IGSF3: variants seen among roughly 807,000 people sequenced by gnomAD.
IGSF3 encodes the protein glu-Trp-Ile EWI motif-containing protein 3.
IGSF3 carries 23 observed loss-of-function variants against 114.4 expected under a neutral mutation model. The ratio of observed to expected loss-of-function variants is 0.20; its 90% CI spans 0.14 to 0.28. The LOEUF is 0.28. IGSF3 is among the 10% of genes least tolerant of loss of function. The pLI is 1.00. For synonymous variants in IGSF3, 571 were observed against 645.2 expected (o/e 0.88, Z 1.74); for missense variants, 1,172 against 1,591.5 (o/e 0.74, Z 4.48).
chr1:116,619,763 CA>C (rs1182260992), intron 2 of IGSF3, among the ~76,000 whole-genome samples: 1 of 151,550 alleles, frequency 6.6e-6, no homozygotes, highest in Non-Finnish European at 1.5e-5. Context: ...TCCTCCCAGG[CA>C]AGGATCTTTT....
intron 2 of IGSF3, among the ~76,000 whole-genome samples, chr1:116,643,429 T>A (rs1309901066): frequency 6.6e-6 from 1 of 152,260 alleles, no homozygotes; most frequent in Admixed American, 6.5e-5. Context: ...GACTCACTCC[T>A]CCGACAGTCG....
chr1:116,588,461 C>T lies in IGSF3; in HGVS notation c.2440+233G>A, dbSNP rs1659945496. On this transcript the variant is annotated intron_variant, in intron 8 of 10. Coordinates refer to ENST00000369486, the MANE Select transcript of IGSF3 (RefSeq NM_001007237.3). This position sits in a 1 kb window ranked among gnomAD's most constrained non-coding sequence, Gnocchi z 4.9. ...TGCTCCTTGGTGAAGATGGTATCCA[C>T]AGAAGCAGAGTCAAGGATGCTTCCA... Among the ~76,000 whole-genome samples the T allele has an allele frequency of 6.6e-6, 1 of 152,170 alleles. No individual in the cohort carries two copies. Among genetic ancestry groups the T allele is most frequent in the Non-Finnish European group, 1.5e-5 (1 of 68,036 alleles).
At position 116,608,032 on chromosome 1, in the gene IGSF3, C is replaced by G; in HGVS notation, c.1132G>C (p.Val378Leu). The G allele has an allele frequency of 1.2e-6, 2 of 1,613,870 alleles. No homozygotes were observed. The highest frequency in any genetic ancestry group is 1.7e-6 in the Non-Finnish European group (2 of 1,179,774). ...QEDSGKYNCR[V>L]TEREKTVTGE... ...GTCACGGTTTTCTCTCGCTCAGTCA[C>G]CCGGCAGTTGTATTTCCCGCTATCT... is the stretch of plus-strand genomic sequence containing the variant. Residue 378 changes from valine (V) to leucine (L), a missense_variant, in exon 5 of 11, where the codon GTG (valine) becomes CTG (leucine). By Grantham distance (32) the Val-to-Leu change is conservative (BLOSUM62 1). Transcript: ENST00000369486.
chr1:116,590,232 G>A (rs1462185783), intron 7 of IGSF3, among the ~76,000 whole-genome samples: 22 of 152,048 alleles, frequency 1.4e-4, no homozygotes, highest in East Asian at 1.4e-3. Context: ...AATTAATGAC[G>A]ATGTTCACCT....
rs1412548700 is a variant in IGSF3, at chr1:116,594,496, A to T, written c.2030-5392T>A. On this transcript the variant is annotated intron_variant, in intron 7 of 10. Transcript: ENST00000369486. This position sits in a 1 kb window ranked among gnomAD's most constrained non-coding sequence, Gnocchi z 5.2. ...ATTTAGCAAACTTTCATCTGGTCCT[A>T]TGTGCTCAGCACTATTCTAAGCACT... Among the ~76,000 whole-genome samples the T allele has an allele frequency of 1.3e-5, 2 of 152,226 alleles. No individual in the cohort carries two copies. Among genetic ancestry groups the T allele is most frequent in the African/African-American group, 4.8e-5 (2 of 41,456 alleles).
At position 116,608,240 on chromosome 1, in the gene IGSF3, A is replaced by G. The variant is rs1660872811; in HGVS notation, c.924T>C (p.Asn308=). ...VEFRCILEAQ[N]VPDRYFAVSW... ...AGACAGCAAAGTAACGGTCGGGAAC[A>G]TTCTGAGCCTCCAGGATGCATCTGA... Residue 308 remains asparagine, a synonymous_variant, in exon 5 of 11, where the codon AAT becomes AAC. Coordinates refer to ENST00000369486, the MANE Select transcript of IGSF3 (RefSeq NM_001007237.3). The G allele has an allele frequency of 6.2e-7, 1 of 1,610,980 alleles. No homozygotes were observed. Among genetic ancestry groups the G allele is most frequent in the African/African-American group, 1.3e-5 (1 of 74,836 alleles).
chr1:116,630,547 A>G (rs937514634), intron 2 of IGSF3, among the ~76,000 whole-genome samples: 1 of 152,204 alleles, frequency 6.6e-6, no homozygotes, highest in Non-Finnish European at 1.5e-5. Context: ...GTTGGCATCC[A>G]AACCCACAAT....
intron 4 of IGSF3, among the ~76,000 whole-genome samples, chr1:116,609,944 T>C (rs1266430862): frequency 2.0e-5 from 3 of 152,102 alleles, no homozygotes; most frequent in Admixed American, 2.0e-4. Context: ...CAAATACCCC[T>C]TCTTTCCAGT....
Position 116,600,117 on chromosome 1 carries a change from G to A in IGSF3, c.1853C>T (p.Ala618Val). The A allele has an allele frequency of 6.2e-7, 1 of 1,614,166 alleles. No homozygotes were observed. The highest frequency in any genetic ancestry group is 8.5e-7 in the Non-Finnish European group (1 of 1,180,026). The change falls in exon 7 of 11, where the codon GCC becomes GTC. Residue 618 changes from alanine to valine, a missense_variant. Coordinates refer to ENST00000369486, the MANE Select transcript of IGSF3 (RefSeq NM_001007237.3). This position sits in a 1 kb window ranked among gnomAD's most constrained non-coding sequence, Gnocchi z 5.5. ...GTTGCTGGACTCAGCCTTCTCGATGGCAGTTCGGGTTCGGAAGCTGGAGGA... is the reference window on the plus strand; with the variant it reads ...GTTGCTGGACTCAGCCTTCTCGATGACAGTTCGGGTTCGGAAGCTGGAGGA... ...DRSSSFRTRT[A>V]IEKAESSNNV... is the part of the protein sequence containing the mutation.
At chr1:116,645,383 A>G (rs1327135903) in intron 2 of IGSF3, among the ~76,000 whole-genome samples, 1 of 152,242 alleles carries the variant, frequency 6.6e-6, no homozygotes, top group East Asian at 1.9e-4. Context: ...AGAAGGCACA[A>G]GGGAACTTTT....
intron 2 of IGSF3, among the ~76,000 whole-genome samples, chr1:116,637,176 C>CT (rs1647865867): frequency 6.6e-6 from 1 of 152,202 alleles, no homozygotes; most frequent in Non-Finnish European, 1.5e-5. Flanking sequence ...CTTGACTCCC[C>CT]TGTGCCTGTG....
rs201868566 is a variant in IGSF3, at chr1:116,611,773, G to A, written c.832+1992C>T. ...GGTTGCAAGAACACTTCCTATTTCC[G>A]GTATTCCCAGAGCACTCTATACAAA... On this transcript the variant is annotated intron_variant, in intron 4 of 10. Coordinates refer to ENST00000369486, the MANE Select transcript of IGSF3 (RefSeq NM_001007237.3). 1.8e-4 allele frequency among the ~76,000 whole-genome samples: 27 copies of A among 151,996 alleles called. No homozygotes were observed. In the East Asian group the frequency reaches 1.9e-3, roughly 11 times the overall value.
chr1:116,601,206 A>G (rs1660570057), intron 6 of IGSF3, among the ~76,000 whole-genome samples: 1 of 152,202 alleles, frequency 6.6e-6, no homozygotes, highest in South Asian at 2.1e-4. Context: ...CTCTTCCTGC[A>G]GATGTAGAAA....
Position 116,614,274 on chromosome 1 carries a change from G to T in IGSF3, c.422-99C>A. On this transcript the variant is annotated intron_variant, in intron 3 of 10. Transcript: ENST00000369486. The surrounding 1 kb of genome is among the most constrained non-coding windows in gnomAD (Gnocchi z 4.5). ...TTCCACGCAGGCGTCACTGCACTGC[G>T]CCCCTAACAGTCATCCTTGAACCAT... The T allele has an allele frequency of 1.1e-6, 1 of 914,944 alleles. No individual in the cohort carries two copies. The highest frequency in any genetic ancestry group is 1.7e-6 in the Non-Finnish European group (1 of 582,480). 56.7% of individuals were successfully genotyped at this position (914,944 alleles called of 1,614,324 possible). A position where few individuals can be genotyped will look rare whatever the true frequency, so the allele number is the denominator to read the frequency against.
chr1:116,599,177 C>T (rs746002236), intron 7 of IGSF3, among the ~76,000 whole-genome samples: 4 of 152,086 alleles, frequency 2.6e-5, no homozygotes, highest in Admixed American at 6.5e-5. Context: ...AGTAACTGAC[C>T]TTCAGCGCCT....
intron 2 of IGSF3, among the ~76,000 whole-genome samples, chr1:116,620,930 G>A (rs576589704): frequency 2.0e-4 from 31 of 152,188 alleles, no homozygotes; most frequent in Non-Finnish European, 3.7e-4. Flanking sequence ...TTATAGAGAC[G>A]GGATGATATG....
chr1:116,638,766 T>C lies in IGSF3; in HGVS notation c.44-22309A>G, dbSNP rs535356641. On this transcript the variant is annotated intron_variant, in intron 2 of 10. Transcript: ENST00000369486. The surrounding 1 kb of genome is among the most constrained non-coding windows in gnomAD (Gnocchi z 4.1). ...GGACCAGCTAACTCCTACAGCAGAG[T>C]CTTGCCAGGCCCTCCCCTAATTGCT... Among the ~76,000 whole-genome samples the C allele has an allele frequency of 1.3e-5, 2 of 152,020 alleles. No homozygotes were observed. Among genetic ancestry groups the C allele is most frequent in the African/African-American group, 2.4e-5 (1 of 41,470 alleles).
At chr1:116,613,351 C>T (rs956847758) in intron 4 of IGSF3, among the ~76,000 whole-genome samples, 3 of 152,154 alleles carry the variant, frequency 2.0e-5, no homozygotes, top group Admixed American at 6.5e-5. Flanking sequence ...ATGGCTTCTG[C>T]AAATGAAACC....
chr1:116,640,115 C>T (rs953291826), intron 2 of IGSF3, among the ~76,000 whole-genome samples: 1 of 142,142 alleles, frequency 7.0e-6, no homozygotes, highest in Non-Finnish European at 1.6e-5. Context: ...GATTAAATAA[C>T]AAAAAATGCC....
Sources: allele counts gnomAD v4.1 joint callset (sites outside exome capture counted in the v4.1 genomes callset), GRCh38; gene constraint gnomAD v4.1.1; non-coding constraint Gnocchi (gnomAD v3.1); transcripts MANE v1.5; gene names NCBI Gene and HGNC (gene_info 2026-07-23, HGNC 2026-07-21).